The following MDGA2 variants were observed in gnomAD, a reference collection of about 807,000 sequenced individuals.
The protein encoded by MDGA2 is MAM domain-containing glycosylphosphatidylinositol anchor protein 2.
A neutral mutation model predicts 117.8 loss-of-function variants in MDGA2; 40 were observed. The observed-to-expected ratio is 0.34, with a 90% CI of 0.26 to 0.44. The LOEUF is 0.44. MDGA2 is among the 20% of genes least tolerant of loss of function. MDGA2 has a pLI of 1.00. For missense variants in MDGA2, 1,123 were observed against 1,250.6 expected (o/e 0.90, Z 1.54); for synonymous variants, 452 against 439.0 (o/e 1.03, Z -0.37).
chr14:47,391,252 G>A (rs1891887785), intron 1 of MDGA2, among the ~76,000 whole-genome samples: 3 of 152,162 alleles, frequency 2.0e-5, no homozygotes, highest in Admixed American at 2.0e-4. Context: ...GATTGTGACT[G>A]CCTGTACTGT....
At chr14:46,913,346 G>T (rs1011039880) in intron 10 of MDGA2, among the ~76,000 whole-genome samples, 2 of 152,032 alleles carry the variant, frequency 1.3e-5, no homozygotes, top group African/African-American at 4.8e-5. Context: ...ATTATACAAA[G>T]AATCCAGATT....
intron 8 of MDGA2, among the ~76,000 whole-genome samples, chr14:46,981,242 A>G (rs1566558160): frequency 6.6e-6 from 1 of 151,926 alleles, no homozygotes; most frequent in Non-Finnish European, 1.5e-5. Context: ...CGTCTCTACT[A>G]AAAATACAAA....
At chr14:47,422,707 A>C (rs529610712) in intron 1 of MDGA2, among the ~76,000 whole-genome samples, 12 of 152,308 alleles carry the variant, frequency 7.9e-5, no homozygotes, top group Admixed American at 2.6e-4. Flanking sequence ...CAGTGCAAAA[A>C]TAAAGTTAAA....
At chr14:47,646,990 T>C (rs891759235) in intron 1 of MDGA2, among the ~76,000 whole-genome samples, 3 of 152,196 alleles carry the variant, frequency 2.0e-5, no homozygotes, top group East Asian at 3.8e-4. Flanking sequence ...ATCTAAGAGA[T>C]AGTTTATTAA....
At chr14:47,429,630 C>T (rs1351129650) in intron 1 of MDGA2, among the ~76,000 whole-genome samples, 1 of 152,058 alleles carries the variant, frequency 6.6e-6, no homozygotes, top group Non-Finnish European at 1.5e-5. Context: ...GGTAGACTTG[C>T]TTTTTCATGC....
chr14:47,163,386 G>A (rs1292108112), intron 3 of MDGA2, among the ~76,000 whole-genome samples: 2 of 152,110 alleles, frequency 1.3e-5, no homozygotes, highest in East Asian at 3.9e-4. Flanking sequence ...GGACCTGGTG[G>A]GAATCATGAC....
At chr14:47,399,974 A>G (rs1408507108) in intron 1 of MDGA2, among the ~76,000 whole-genome samples, 2 of 152,150 alleles carry the variant, frequency 1.3e-5, no homozygotes, top group Non-Finnish European at 2.9e-5. Flanking sequence ...TACATATGGT[A>G]TAAGAATAGC....
intron 1 of MDGA2, among the ~76,000 whole-genome samples, chr14:47,478,695 T>C (rs1389166975): frequency 6.6e-6 from 1 of 152,162 alleles, no homozygotes. Context: ...ATTTTATATA[T>C]GTTTTAATAT....
At chr14:47,396,924 C>A (rs541962972) in intron 1 of MDGA2, among the ~76,000 whole-genome samples, 2 of 152,116 alleles carry the variant, frequency 1.3e-5, no homozygotes, top group African/African-American at 4.8e-5. Flanking sequence ...GACAGTGTGG[C>A]GATTCCTCAA....
chr14:47,609,251 G>T (rs569934842), intron 1 of MDGA2, among the ~76,000 whole-genome samples: 8 of 150,124 alleles, frequency 5.3e-5, no homozygotes, highest in Non-Finnish European at 1.0e-4. Context: ...TCATTGTATT[G>T]TATCATTCTT....
chr14:47,495,863 C>T (rs1341675359), intron 1 of MDGA2, among the ~76,000 whole-genome samples: 2 of 152,076 alleles, frequency 1.3e-5, no homozygotes, highest in East Asian at 1.9e-4. Context: ...TACATAAATA[C>T]CCATTTCATT....
chr14:47,362,209 T>C (rs1465711364), intron 1 of MDGA2, among the ~76,000 whole-genome samples: 1 of 152,180 alleles, frequency 6.6e-6, no homozygotes, highest in Non-Finnish European at 1.5e-5. Context: ...AATATAGACA[T>C]CTTCATGGAT....
At chr14:47,356,792 C>T (rs1017827530) in intron 1 of MDGA2, among the ~76,000 whole-genome samples, 4 of 152,122 alleles carry the variant, frequency 2.6e-5, no homozygotes, top group Non-Finnish European at 5.9e-5. Flanking sequence ...CCCTCCTTGC[C>T]TTTGACCTCA....
chr14:47,556,920 G>A (rs965584871), intron 1 of MDGA2, among the ~76,000 whole-genome samples: 1 of 152,026 alleles, frequency 6.6e-6, no homozygotes, highest in African/African-American at 2.4e-5. Context: ...CTCTGTAATC[G>A]AGGATTTCTC....
intron 2 of MDGA2, among the ~76,000 whole-genome samples, chr14:47,296,039 A>T (rs1436875884): frequency 6.6e-6 from 1 of 152,172 alleles, no homozygotes; most frequent in Non-Finnish European, 1.5e-5. Flanking sequence ...AGTAAGGTGC[A>T]GACTAATGTA....
Position 47,320,256 on chromosome 14 carries a change from C to T in MDGA2, c.281-18706G>A, listed in dbSNP as rs140346412. Among the ~76,000 whole-genome samples, 497 of 152,172 alleles carry T rather than the reference C, an allele frequency of 3.3e-3. 4 individuals are homozygous for T. The highest frequency in any genetic ancestry group is 0.011 in the African/African-American group (472 of 41,530). On this transcript the variant is annotated intron_variant, in intron 1 of 16. Transcript: ENST00000399232. The stretch of plus-strand genomic sequence containing the variant: ...TTGTGGCTGGGTGTGGTGACTTATG[C>T]CTGTAATCTTAACCCATTGGGAAGC...
At chr14:47,164,568 G>A (rs2139290869) in intron 3 of MDGA2, among the ~76,000 whole-genome samples, 3 of 152,270 alleles carry the variant, frequency 2.0e-5, no homozygotes, top group East Asian at 3.9e-4. Context: ...TCTCACACCA[G>A]TTAGAATGGC....
chr14:47,016,279 A>C (rs1286242516), intron 8 of MDGA2, among the ~76,000 whole-genome samples: 3 of 152,052 alleles, frequency 2.0e-5, no homozygotes, highest in Admixed American at 2.0e-4. Context: ...GAAGAGTAAC[A>C]GTAAGTCCTT....
In MDGA2 at chr14:46,920,084, G is replaced by A; in HGVS notation, c.2166C>T (p.Tyr722=). The A allele has an allele frequency of 6.2e-7, 1 of 1,611,894 alleles. No individual in the cohort carries two copies. The highest frequency in any genetic ancestry group is 1.1e-5 in the South Asian group (1 of 90,388). ...VWQNRHRVYS[Y]SLQWTQMNPD... Reference sequence around the variant, plus strand: ...GATTCATCTGTGTCCACTGTAGACTGTAAGAATAAACACGGTGTCTGTTCT... The same window carrying A: ...GATTCATCTGTGTCCACTGTAGACTATAAGAATAAACACGGTGTCTGTTCT... Residue 722 remains tyrosine (Y), a synonymous_variant, in exon 10 of 17, where the codon TAC becomes TAT. Transcript: ENST00000399232.
Sources: gnomAD v4.1 joint callset for allele counts (sites outside exome capture counted in the v4.1 genomes callset) on GRCh38, gnomAD v4.1.1 for gene constraint, MANE v1.5 for transcripts, NCBI Gene and HGNC (gene_info 2026-07-23, HGNC 2026-07-21) for gene names.